CACNA2D1: variants seen among roughly 807,000 people sequenced by gnomAD.
CACNA2D1 encodes the protein calcium voltage-gated channel auxiliary subunit alpha2delta 1.
A neutral mutation model predicts 171.5 loss-of-function variants in CACNA2D1; 53 were observed. The observed-to-expected ratio is 0.31, with a 90% CI of 0.25 to 0.39. CACNA2D1 has a LOEUF of 0.39. Ranked by LOEUF, CACNA2D1 falls within the 10% of genes least tolerant of loss-of-function variation. The pLI, the probability that CACNA2D1 is intolerant of heterozygous loss-of-function variation, is 1.00. For missense variants in CACNA2D1, 903 were observed against 1,299.8 expected (o/e 0.69, Z 4.69); for synonymous variants, 442 against 443.1 (o/e 1.00, Z 0.03).
chr7:82,104,992 A>G (rs1787564960), intron 6 of CACNA2D1, among the ~76,000 whole-genome samples: 1 of 152,100 alleles, frequency 6.6e-6, no homozygotes, highest in Non-Finnish European at 1.5e-5. Flanking sequence ...CTTGAAATTG[A>G]TGACAAATAT....
chr7:82,211,748 T>G (rs1406967349), intron 3 of CACNA2D1, among the ~76,000 whole-genome samples: 1 of 152,224 alleles, frequency 6.6e-6, no homozygotes, highest in Non-Finnish European at 1.5e-5. Context: ...CTTGGTCAAA[T>G]GGTAGTTTTG....
At chr7:82,336,739 GATTA>G (rs1357179029) in intron 2 of CACNA2D1, among the ~76,000 whole-genome samples, 1 of 152,158 alleles carries the variant, frequency 6.6e-6, no homozygotes, top group Non-Finnish European at 1.5e-5. Flanking sequence ...TAGGAACATT[GATTA>G]ATTGATTTGA....
chr7:82,127,761 C>A (rs1013263406), intron 5 of CACNA2D1, among the ~76,000 whole-genome samples: 2 of 152,096 alleles, frequency 1.3e-5, no homozygotes, highest in African/African-American at 2.4e-5. Context: ...AGGTAATTAG[C>A]ATGATTAGTC....
Position 81,964,052 on chromosome 7 carries a change from T to A in CACNA2D1, c.2780+4A>T. On this transcript the variant is annotated splice_donor_region_variant and intron_variant, in intron 34 of 38. Transcript: ENST00000356860. ...TTACCAATAAAACTAAAATTTTGACTTACCAGGCAGCAGCAGTGGCCCACC... is the reference window on the plus strand; with the variant it reads ...TTACCAATAAAACTAAAATTTTGACATACCAGGCAGCAGCAGTGGCCCACC... 6.2e-7 allele frequency: 1 copy of A among 1,611,168 alleles called. No individual in the cohort carries two copies. The highest frequency in any genetic ancestry group is 8.5e-7 in the Non-Finnish European group (1 of 1,178,050).
chr7:82,410,935 T>TA (rs1486307788), intron 1 of CACNA2D1, among the ~76,000 whole-genome samples: 2 of 152,228 alleles, frequency 1.3e-5, no homozygotes, highest in African/African-American at 4.8e-5. Flanking sequence ...GATTACATTC[T>TA]AAAATAAGCT....
intron 1 of CACNA2D1, among the ~76,000 whole-genome samples, chr7:82,402,732 A>G (rs1312088482): frequency 1.5e-5 from 2 of 135,752 alleles, no homozygotes; most frequent in East Asian, 2.1e-4. Context: ...AAAAAAAAAA[A>G]GAAGAAGAAG....
At chr7:82,207,981 A>C (rs745362338) in intron 3 of CACNA2D1, among the ~76,000 whole-genome samples, 3 of 152,184 alleles carry the variant, frequency 2.0e-5, no homozygotes, top group Non-Finnish European at 4.4e-5. Flanking sequence ...AGGCTTATAA[A>C]GCTGTCTAAC....
intron 3 of CACNA2D1, among the ~76,000 whole-genome samples, chr7:82,198,087 AC>A (rs1799034979): frequency 6.6e-6 from 1 of 151,392 alleles, no homozygotes; most frequent in Non-Finnish European, 1.5e-5. Flanking sequence ...TCATTTCTAT[AC>A]CCCCAGTATA....
At chr7:82,079,364 C>T (rs1809403752) in intron 7 of CACNA2D1, among the ~76,000 whole-genome samples, 2 of 152,106 alleles carry the variant, frequency 1.3e-5, no homozygotes, top group Admixed American at 6.5e-5. Flanking sequence ...TTCTGGCTAT[C>T]TGATTCAAGA....
chr7:82,112,733 G>A (rs189309116), intron 6 of CACNA2D1, among the ~76,000 whole-genome samples: 20 of 152,320 alleles, frequency 1.3e-4, no homozygotes, highest in Non-Finnish European at 2.2e-4. Context: ...CTATTAGCAA[G>A]TGGTGGACCT....
chr7:82,216,891 CAAAA>C (rs56161307), intron 3 of CACNA2D1, among the ~76,000 whole-genome samples: 1 of 130,322 alleles, frequency 7.7e-6, no homozygotes. Flanking sequence ...AGCCTAAATC[CAAAA>C]AAAAAAAAAA....
chr7:82,374,427 C>G (rs1348499084), intron 1 of CACNA2D1, among the ~76,000 whole-genome samples: 1 of 152,084 alleles, frequency 6.6e-6, no homozygotes. Context: ...TGAGAATTCC[C>G]CAGAGAAATG....
intron 3 of CACNA2D1, among the ~76,000 whole-genome samples, chr7:82,264,284 C>T (rs1015519811): frequency 2.6e-5 from 4 of 152,046 alleles, no homozygotes; most frequent in Admixed American, 1.3e-4. Flanking sequence ...TAATTATAGT[C>T]CTATTCAATA....
At chr7:82,239,327 A>C (rs763571970) in intron 3 of CACNA2D1, among the ~76,000 whole-genome samples, 3 of 151,882 alleles carry the variant, frequency 2.0e-5, no homozygotes, top group Non-Finnish European at 4.4e-5. Flanking sequence ...AAAAAAAATC[A>C]AGCCTCTATG....
rs1794210094 is a variant in CACNA2D1 at position 81,962,161 on chromosome 7, CT to C, written c.2837-139del. ...GACCCCTCGACTGGCTTGTTTACTG[CT>C]GTGTAATATCGTGGCAGCCCGTAAT... On this transcript the variant is annotated intron_variant, in intron 35 of 38. Coordinates refer to ENST00000356860, the MANE Select transcript of CACNA2D1 (RefSeq NM_000722.4). The C allele has an allele frequency of 1.6e-5, 12 of 766,234 alleles. No homozygotes were observed. The East Asian group carries it at 3.0e-4, about 19-fold the overall frequency. 47.5% of individuals were successfully genotyped at this position (766,234 alleles called of 1,614,324 possible). A position where few individuals can be genotyped will look rare whatever the true frequency, so the allele number is the denominator to read the frequency against.
At chr7:82,081,791 C>G (rs1476055947) in intron 7 of CACNA2D1, among the ~76,000 whole-genome samples, 1 of 152,184 alleles carries the variant, frequency 6.6e-6, no homozygotes, top group Non-Finnish European at 1.5e-5. Flanking sequence ...CTGGTCAGCA[C>G]CCGGCCTGCA....
chr7:82,121,051 TTTTGTTTG>T (rs148711047), intron 5 of CACNA2D1, among the ~76,000 whole-genome samples: 9 of 151,848 alleles, frequency 5.9e-5, no homozygotes, highest in East Asian at 1.9e-4. Context: ...CCTTGTGATT[TTTTGTTTG>T]TTTGTTTGTT....
At chr7:82,262,507 G>A (rs930726505) in intron 3 of CACNA2D1, among the ~76,000 whole-genome samples, 4 of 152,114 alleles carry the variant, frequency 2.6e-5, no homozygotes, top group Non-Finnish European at 5.9e-5. Context: ...GTTATTTCTA[G>A]AGCATTGCCG....
At chr7:81,973,358 T>G (rs1795491461) in intron 25 of CACNA2D1, among the ~76,000 whole-genome samples, 1 of 152,032 alleles carries the variant, frequency 6.6e-6, no homozygotes, top group Non-Finnish European at 1.5e-5. Flanking sequence ...AAACTCTGGC[T>G]CCCATGACAG....
Sources: allele counts gnomAD v4.1 joint callset (sites outside exome capture counted in the v4.1 genomes callset), GRCh38; gene constraint gnomAD v4.1.1; transcripts MANE v1.5; gene names NCBI Gene and HGNC (gene_info 2026-07-23, HGNC 2026-07-21).